Variants in PRDM2 observed in about 807,000 individuals in gnomAD.
PRDM2 encodes PR/SET domain 2, also known as PR domain zinc finger protein 2.
A neutral mutation model predicts 130.0 loss-of-function variants in PRDM2; 30 were observed. That is an observed-to-expected ratio of 0.23 (90% CI 0.17 to 0.31). PRDM2 has a LOEUF of 0.31. Ranked by LOEUF, PRDM2 falls within the 10% of genes least tolerant of loss-of-function variation. The pLI, the probability that PRDM2 is intolerant of heterozygous loss-of-function variation, is 1.00. For missense variants in PRDM2, 2,011 were observed against 2,108.4 expected (o/e 0.95, Z 0.90); for synonymous variants, 871 against 782.4 (o/e 1.11, Z -1.89).
At chr1:13,777,193 T>TG in intron 7 of PRDM2, among the ~76,000 whole-genome samples, 1 of 152,176 alleles carries the variant, frequency 6.6e-6, no homozygotes, top group African/African-American at 2.4e-5. Flanking sequence ...TCAGCAGGCA[T>TG]GTTGTCAACT....
chr1:13,812,599 G>A (rs991203051), intron 8 of PRDM2, among the ~76,000 whole-genome samples: 1 of 152,208 alleles, frequency 6.6e-6, no homozygotes, highest in African/African-American at 2.4e-5. Context: ...GTGTTAAAGT[G>A]AGATGCTCAT....
intron 6 of PRDM2, among the ~76,000 whole-genome samples, chr1:13,752,343 G>C (rs1643866692): frequency 6.6e-6 from 1 of 152,172 alleles, no homozygotes; most frequent in Admixed American, 6.5e-5. Flanking sequence ...ATTTGTAATT[G>C]AGCTTCACTT....
chr1:13,768,422 C>T (rs1644284135), intron 6 of PRDM2, among the ~76,000 whole-genome samples: 1 of 150,014 alleles, frequency 6.7e-6, no homozygotes, highest in African/African-American at 2.5e-5. Flanking sequence ...CCTTGTCATT[C>T]AGGCTGGAAT....
intron 1 of PRDM2, among the ~76,000 whole-genome samples, chr1:13,710,071 C>A (rs1033320731): frequency 2.0e-5 from 3 of 152,210 alleles, no homozygotes; most frequent in African/African-American, 7.2e-5. Context: ...AAAATCTGTT[C>A]TCCTACTTTG....
At chr1:13,807,917 C>T (rs1159731128) in intron 8 of PRDM2, among the ~76,000 whole-genome samples, 1 of 152,184 alleles carries the variant, frequency 6.6e-6, no homozygotes, top group Non-Finnish European at 1.5e-5. Context: ...TTGAGGTCTG[C>T]CCTCTGCCCA....
At chr1:13,768,260 T>C (rs1339630192) in intron 6 of PRDM2, among the ~76,000 whole-genome samples, 2 of 151,308 alleles carry the variant, frequency 1.3e-5, no homozygotes, top group Non-Finnish European at 2.9e-5. Flanking sequence ...TGCTTTTATG[T>C]TTTTAGCAGA....
chr1:13,744,653 A>G (rs1643550508), intron 5 of PRDM2, among the ~76,000 whole-genome samples: 1 of 152,236 alleles, frequency 6.6e-6, no homozygotes, highest in Non-Finnish European at 1.5e-5. Flanking sequence ...ATATATATAT[A>G]TATAAGGTTC....
chr1:13,786,395 T>C, intron 8 of PRDM2: 7 of 1,367,238 alleles, frequency 5.1e-6, no homozygotes, highest in South Asian at 2.5e-5. Context: ...CCTTCAGTCA[T>C]GTATGTGTTG....
chr1:13,815,459 G>A (rs950316334), intron 8 of PRDM2, among the ~76,000 whole-genome samples: 1 of 152,222 alleles, frequency 6.6e-6, no homozygotes, highest in African/African-American at 2.4e-5. Context: ...CAATGAACAG[G>A]ACAAAGATCC....
At chr1:13,768,750 T>C (rs886665467) in intron 6 of PRDM2, among the ~76,000 whole-genome samples, 2 of 152,220 alleles carry the variant, frequency 1.3e-5, no homozygotes, top group Non-Finnish European at 2.9e-5. Context: ...ATTTCACATC[T>C]CTGCCCTTTG....
intron 8 of PRDM2, chr1:13,787,047 ATTTC>A: frequency 1.0e-6 from 1 of 985,402 alleles, no homozygotes; most frequent in Non-Finnish European, 1.2e-6. Context: ...TACCCCTGGT[ATTTC>A]TTTTTTTTGT....
At chr1:13,738,610 A>G (rs1417312695) in intron 4 of PRDM2, 2 of 152,236 alleles carry the variant, frequency 1.3e-5, no homozygotes, top group East Asian at 3.8e-4. Context: ...GTATCTCTAT[A>G]AAAGTAACCT....
Position 13,823,602 on chromosome 1 carries a change from A to C in PRDM2, c.*467A>C. 6.0e-6 allele frequency: 1 copy of C among 167,882 alleles called. No homozygotes were observed. The highest frequency in any genetic ancestry group is 1.3e-5 in the Non-Finnish European group (1 of 78,234). 10.4% of individuals were successfully genotyped at this position (167,882 alleles called of 1,614,324 possible). A position where few individuals can be genotyped will look rare whatever the true frequency, so the allele number is the denominator to read the frequency against. ...GGAGGAGGCCGAGTTCCCCTTCAGT[A>C]CCACCCCTCTCTCCCCACCTTCCCT... On this transcript the variant is annotated 3_prime_UTR_variant, in exon 10 of 10. Coordinates refer to ENST00000311066, the MANE Select transcript of PRDM2 (RefSeq NM_001393986.1).
chr1:13,814,547 C>T (rs7517964), intron 8 of PRDM2, among the ~76,000 whole-genome samples: 5,173 of 152,304 alleles, frequency 0.034, 297 homozygotes, highest in African/African-American at 0.12. Context: ...GCATTTGGGG[C>T]TGGTTAAACC....
chr1:13,755,130 A>C (rs1643918173), intron 6 of PRDM2, among the ~76,000 whole-genome samples: 1 of 152,132 alleles, frequency 6.6e-6, no homozygotes, highest in Non-Finnish European at 1.5e-5. Flanking sequence ...AATTATAAAA[A>C]ATTTGCAGTT....
At chr1:13,744,233 G>C (rs1643535658) in intron 5 of PRDM2, among the ~76,000 whole-genome samples, 1 of 152,198 alleles carries the variant, frequency 6.6e-6, no homozygotes, top group African/African-American at 2.4e-5. Flanking sequence ...TCTGAAGCCA[G>C]ACTGCCTGGG....
At chr1:13,807,828 A>C (rs1027744903) in intron 8 of PRDM2, among the ~76,000 whole-genome samples, 6 of 152,214 alleles carry the variant, frequency 3.9e-5, no homozygotes, top group African/African-American at 1.4e-4. Flanking sequence ...CTGACAAGTA[A>C]GAAATTAGGA....
chr1:13,778,486 G>C lies in PRDM2; in HGVS notation c.691G>C (p.Ala231Pro), dbSNP rs753808866. Residue 231 changes from alanine (A) to proline (P), a missense_variant, in exon 8 of 10, where the codon GCC becomes CCC. Ala to Pro is a conservative substitution (Grantham distance 27). This residue lies in a region of PRDM2 where 1,288 missense variants were observed against 1,237.7 expected (regional missense o/e 1.04). Transcript: ENST00000311066. The part of the protein sequence containing the change: ...LEQPATLQEV[A>P]SQEVPPELAT... ...GCAGCCGGCCACCCTCCAGGAGGTG[G>C]CCAGTCAGGAGGTGCCTCCAGAACT... 2 of 1,614,122 alleles carry C rather than the reference G, an allele frequency of 1.2e-6. No homozygotes were observed. Among genetic ancestry groups the C allele is most frequent in the South Asian group, 2.2e-5 (2 of 91,072 alleles).
intron 2 of PRDM2, among the ~76,000 whole-genome samples, chr1:13,718,183 G>T (rs796566084): frequency 1.8e-4 from 28 of 152,310 alleles, no homozygotes; most frequent in African/African-American, 6.7e-4. Flanking sequence ...ACTTGAAGAA[G>T]ATTGACTTAT....
Sources: allele counts gnomAD v4.1 joint callset (sites outside exome capture counted in the v4.1 genomes callset), GRCh38; gene constraint gnomAD v4.1.1; regional missense constraint gnomAD v4.1.1; transcripts MANE v1.5; gene names NCBI Gene and HGNC (gene_info 2026-07-23, HGNC 2026-07-21).